C5orf15: variants seen among roughly 807,000 people sequenced by gnomAD.
The protein encoded by C5orf15 is chromosome 5 open reading frame 15.
Under a neutral mutation model 17.8 loss-of-function variants are expected in C5orf15, and 10 were observed. The observed-to-expected ratio is 0.56, with a 90% CI of 0.35 to 0.95. C5orf15 has a LOEUF of 0.95. C5orf15 is among the 40% of genes least tolerant of loss of function. The pLI is 0.02. For missense variants in C5orf15, 319 were observed against 331.7 expected (o/e 0.96, Z 0.30); for synonymous variants, 124 against 131.0 (o/e 0.95, Z 0.36).
At position 133,962,477 on chromosome 5, in the gene C5orf15, A is replaced by G. The variant is rs866705511; in HGVS notation, c.140-2457T>C. ...CCCGTTCTTCTCCCTAAATGCCTCT[A>G]GCTTTGATTCTCTTATCTTAAGCTA... is the stretch of plus-strand genomic sequence containing the variant. On this transcript the variant is annotated intron_variant, in intron 1 of 2. Coordinates refer to ENST00000231512, the MANE Select transcript of C5orf15 (RefSeq NM_020199.3). Among the ~76,000 whole-genome samples the G allele has an allele frequency of 2.4e-4, 36 of 152,276 alleles. 1 individual carries two copies. The Middle Eastern group carries it at 0.017, about 72-fold the overall frequency.
At chr5:133,966,614 A>G (rs1303738972) in intron 1 of C5orf15, among the ~76,000 whole-genome samples, 13 of 152,258 alleles carry the variant, frequency 8.5e-5, no homozygotes, top group Non-Finnish European at 1.9e-4. Flanking sequence ...ACAAATTTAA[A>G]TAAATCTAAT....
At chr5:133,963,726 A>C (rs1364110857) in intron 1 of C5orf15, among the ~76,000 whole-genome samples, 3 of 152,260 alleles carry the variant, frequency 2.0e-5, no homozygotes, top group African/African-American at 7.2e-5. Flanking sequence ...AGACTCAACT[A>C]CATGATGTCC....
rs1752094106 is a variant in C5orf15 at position 133,959,862 on chromosome 5, C to T, written c.298G>A (p.Ala100Thr). The change falls in exon 2 of 3, where the codon GCA becomes ACA. Residue 100 changes from alanine (A) to threonine (T), a missense_variant. Around this residue, in one of 3 missense-constraint regions of C5orf15, gnomAD observed 17 missense variants for 43.6 expected, o/e 0.39. Coordinates refer to ENST00000231512, the MANE Select transcript of C5orf15 (RefSeq NM_020199.3). Reference protein sequence around the residue: ...PTTSTKKSGGASVVPHPSPTP... With the variant: ...PTTSTKKSGGTSVVPHPSPTP... ...GGCGAGGGATGAGGGACCACAGATGCTCCTCCACTTTTCTTGGTACTCGTC... is the reference window on the plus strand; with the variant it reads ...GGCGAGGGATGAGGGACCACAGATGTTCCTCCACTTTTCTTGGTACTCGTC... 1 of 1,614,102 alleles carries T rather than the reference C, an allele frequency of 6.2e-7. No individual in the cohort carries two copies. The highest frequency in any genetic ancestry group is 8.5e-7 in the Non-Finnish European group (1 of 1,180,010).
rs59077876 is a variant in C5orf15, at chr5:133,961,564, C to A, written c.140-1544G>T. ...ACATCTCAAAAAAAAAAAAAAAAAA[C>A]CAATAAATTAGTAAAACTCTCTTTT... On this transcript the variant is annotated intron_variant, in intron 1 of 2. Coordinates refer to ENST00000231512, the MANE Select transcript of C5orf15 (RefSeq NM_020199.3). 1.0e-2 allele frequency among the ~76,000 whole-genome samples: 1,464 copies of A among 146,690 alleles called. 20 individuals are homozygous for A. Among genetic ancestry groups the A allele is most frequent in the African/African-American group, 0.032 (1,262 of 39,730 alleles).
At chr5:133,961,971 A>G (rs1243780767) in intron 1 of C5orf15, among the ~76,000 whole-genome samples, 1 of 152,160 alleles carries the variant, frequency 6.6e-6, no homozygotes, top group Non-Finnish European at 1.5e-5. Flanking sequence ...AACTCAGTAC[A>G]TTACTCAGAA....
At position 133,956,815 on chromosome 5, in the gene C5orf15, G is replaced by C; in HGVS notation, c.*44C>G. The C allele has an allele frequency of 1.3e-6, 2 of 1,556,028 alleles. No individual in the cohort carries two copies. The highest frequency in any genetic ancestry group is 2.5e-5 in the South Asian group (2 of 81,290). ...ACATTTGCACAATATCATATAAAAA[G>C]TCAAGCAAATAAAATTACATAAGCA... is the stretch of plus-strand genomic sequence containing the variant. On this transcript the variant is annotated 3_prime_UTR_variant, in exon 3 of 3. Coordinates refer to ENST00000231512, the MANE Select transcript of C5orf15 (RefSeq NM_020199.3).
intron 1 of C5orf15, among the ~76,000 whole-genome samples, chr5:133,961,506 A>G (rs1456765982): frequency 6.7e-6 from 1 of 149,688 alleles, no homozygotes; most frequent in Non-Finnish European, 1.5e-5. Flanking sequence ...AGATGGCGCC[A>G]CTGCACTCTA....
intron 1 of C5orf15, among the ~76,000 whole-genome samples, chr5:133,962,610 C>A (rs781109133): frequency 6.6e-6 from 1 of 152,182 alleles, no homozygotes; most frequent in Admixed American, 6.5e-5. Flanking sequence ...AGTACTCCTG[C>A]CTTGATTTCA....
chr5:133,967,482 A>G (rs1388265814), intron 1 of C5orf15: 3 of 152,246 alleles, frequency 2.0e-5, no homozygotes, highest in Admixed American at 6.5e-5. Flanking sequence ...TGGGACTACT[A>G]AACAAAATAC....
rs563416255 is a variant in C5orf15, at chr5:133,956,610, C to A, written c.*249G>T. ...CAGAAGAAGCATAATAAATCTAAAA[C>A]AATAAAAACTAACAGTGTAAATATA... On this transcript the variant is annotated 3_prime_UTR_variant, in exon 3 of 3. Transcript: ENST00000231512. The A allele has an allele frequency of 2.3e-5, 5 of 219,622 alleles. No homozygotes were observed. The Admixed American group carries it at 2.4e-4, about 11-fold the overall frequency. The allele number at this position is 219,622 out of a possible 1,614,324, so 13.6% of individuals were successfully genotyped here.
chr5:133,965,045 G>A (rs1205114023), intron 1 of C5orf15, among the ~76,000 whole-genome samples: 1 of 152,154 alleles, frequency 6.6e-6, no homozygotes, highest in African/African-American at 2.4e-5. Flanking sequence ...TAGCCTTCAA[G>A]ATCCTACATG....
At chr5:133,962,603 A>C (rs1273734353) in intron 1 of C5orf15, among the ~76,000 whole-genome samples, 1 of 152,034 alleles carries the variant, frequency 6.6e-6, no homozygotes, top group Non-Finnish European at 1.5e-5. Context: ...TAAGACAAGT[A>C]CTCCTGCCTT....
chr5:133,964,444 G>A (rs1183844102), intron 1 of C5orf15, among the ~76,000 whole-genome samples: 1 of 152,092 alleles, frequency 6.6e-6, no homozygotes, highest in African/African-American at 2.4e-5. Flanking sequence ...GGCTTTATAA[G>A]GGCAATATGA....
chr5:133,957,773 G>C (rs1752060163), intron 2 of C5orf15, among the ~76,000 whole-genome samples: 1 of 152,194 alleles, frequency 6.6e-6, no homozygotes, highest in Admixed American at 6.5e-5. Context: ...CTATTTGTCA[G>C]GTAAGGAAAT....
At chr5:133,958,407 T>C (rs994849286) in intron 2 of C5orf15, among the ~76,000 whole-genome samples, 8 of 151,562 alleles carry the variant, frequency 5.3e-5, no homozygotes, top group Admixed American at 5.3e-4. Context: ...CAAAACCCCG[T>C]CTCTACTAAA....
rs147810691 is a variant in C5orf15, at chr5:133,959,790, T to C, written c.370A>G (p.Ile124Val). The C allele has an allele frequency of 3.1e-6, 5 of 1,613,978 alleles. No homozygotes were observed. The African/African-American group carries it at 5.3e-5, about 17-fold the overall frequency. ...AGCATGAGAAGATCCTCCTCCTCTA[T>C]ACTAGGATCTTCATTGTTATCAGCT... ...EEADNNEDPSIEEEDLLMLNS... is the reference protein window; with the variant it reads ...EEADNNEDPSVEEEDLLMLNS... Residue 124 changes from isoleucine to valine, a missense_variant, in exon 2 of 3, where the codon ATA becomes GTA. Around this residue, in one of 3 missense-constraint regions of C5orf15, gnomAD observed 175 missense variants for 192.4 expected, o/e 0.91. Coordinates refer to ENST00000231512, the MANE Select transcript of C5orf15 (RefSeq NM_020199.3).
Position 133,959,729 on chromosome 5 carries a change from T to C in C5orf15, c.431A>G (p.Asp144Gly). ...SSPSTAKDTL[D>G]NGDYGEPDYD... ...GTCTGGTTCTCCATAATCGCCATTGTCTAGAGTGTCTTTGGCTGTGGATGG... is the reference window on the plus strand; with the variant it reads ...GTCTGGTTCTCCATAATCGCCATTGCCTAGAGTGTCTTTGGCTGTGGATGG... Residue 144 changes from aspartate (D) to glycine (G), a missense_variant, in exon 2 of 3, where the codon GAC becomes GGC. This residue lies in a region of C5orf15 where 175 missense variants were observed against 192.4 expected (regional missense o/e 0.91). Coordinates refer to ENST00000231512, the MANE Select transcript of C5orf15 (RefSeq NM_020199.3). 1 of 1,614,094 alleles carries C rather than the reference T, an allele frequency of 6.2e-7. No homozygotes were observed. The highest frequency in any genetic ancestry group is 8.5e-7 in the Non-Finnish European group (1 of 1,179,994).
At chr5:133,963,875 GATAA>G (rs1050786201) in intron 1 of C5orf15, among the ~76,000 whole-genome samples, 10 of 152,080 alleles carry the variant, frequency 6.6e-5, no homozygotes, top group South Asian at 2.1e-4. Flanking sequence ...TCCTTCAACA[GATAA>G]ATAAAGTGTA....
intron 1 of C5orf15, 138 bp from the exon 2 acceptor site, chr5:133,960,158 C>T (rs935817974): frequency 1.5e-6 from 1 of 663,334 alleles, no homozygotes; most frequent in African/African-American, 1.8e-5. Context: ...GTTATTAAGT[C>T]TCAATAGCCA....
Sources: gnomAD v4.1 joint callset for allele counts (sites outside exome capture counted in the v4.1 genomes callset) on GRCh38, gnomAD v4.1.1 for gene constraint, gnomAD v4.1.1 regional missense constraint, MANE v1.5 for transcripts, NCBI Gene and HGNC (gene_info 2026-07-23, HGNC 2026-07-21) for gene names.